The following ABLIM2 variants were observed in gnomAD, a reference collection of about 807,000 sequenced individuals.
The protein encoded by ABLIM2 is actin binding LIM protein family member 2, also known as actin-binding LIM protein 2.
A neutral mutation model predicts 97.7 loss-of-function variants in ABLIM2; 53 were observed. The ratio of observed to expected loss-of-function variants is 0.54; its 90% confidence interval spans 0.44 to 0.68. ABLIM2 has a LOEUF of 0.68. Ranked by LOEUF, ABLIM2 falls within the 30% of genes least tolerant of loss-of-function variation. The probability of loss-of-function intolerance (pLI) is 0.00; values close to 1 mark genes in which losing one functional copy is unlikely to be tolerated. For missense variants in ABLIM2, 835 were observed against 867.2 expected (o/e 0.96, Z 0.47); for synonymous variants, 361 against 345.8 (o/e 1.04, Z -0.49).
At chr4:8,040,358 C>G (rs1166796378) in intron 9 of ABLIM2, among the ~76,000 whole-genome samples, 1 of 152,176 alleles carries the variant, frequency 6.6e-6, no homozygotes, top group Non-Finnish European at 1.5e-5. Context: ...CACCTGTACC[C>G]CCAGCACTTT....
chr4:8,076,423 G>A (rs970521248), intron 6 of ABLIM2, among the ~76,000 whole-genome samples: 2 of 152,244 alleles, frequency 1.3e-5, no homozygotes, highest in East Asian at 3.9e-4. Context: ...CTCCAGACTG[G>A]CCTCTGCGGC....
chr4:8,066,262 C>T (rs1157508752), intron 6 of ABLIM2, among the ~76,000 whole-genome samples: 4 of 146,054 alleles, frequency 2.7e-5, no homozygotes, highest in South Asian at 2.2e-4. Flanking sequence ...GCCGAGATAG[C>T]GCCAGTGCAC....
At chr4:8,106,671 G>A (rs41266523) in intron 1 of ABLIM2, 34 bp from the exon 2 acceptor site, 1,062 of 1,572,656 alleles carry the variant, frequency 6.8e-4, no homozygotes, top group Non-Finnish European at 8.4e-4. Context: ...GCGTTCAAGG[G>A]TGGATGTGTG....
intron 6 of ABLIM2, among the ~76,000 whole-genome samples, chr4:8,063,343 G>C (rs1028156968): frequency 6.6e-6 from 1 of 152,248 alleles, no homozygotes; most frequent in Non-Finnish European, 1.5e-5. Flanking sequence ...GAGATTATAG[G>C]CGTGAGCCAC....
chr4:8,065,301 T>C (rs1474843809), intron 6 of ABLIM2, among the ~76,000 whole-genome samples: 2 of 152,196 alleles, frequency 1.3e-5, no homozygotes, highest in African/African-American at 4.8e-5. Flanking sequence ...TAGACACTTC[T>C]TCAATGAAAA....
intron 12 of ABLIM2, among the ~76,000 whole-genome samples, chr4:8,026,126 C>T (rs1458819878): frequency 6.6e-6 from 1 of 152,232 alleles, no homozygotes; most frequent in Non-Finnish European, 1.5e-5. Context: ...CCTGCCTCAG[C>T]CTTCCGAGGA....
intron 3 of ABLIM2, among the ~76,000 whole-genome samples, chr4:8,093,341 C>T (rs182581111): frequency 2.6e-5 from 4 of 152,302 alleles, no homozygotes; most frequent in East Asian, 3.9e-4. Context: ...TCTCATTTTG[C>T]GTTTCCTTCA....
At chr4:8,131,718 G>C (rs878942607) in intron 1 of ABLIM2, among the ~76,000 whole-genome samples, 14 of 48,394 alleles carry the variant, frequency 2.9e-4, no homozygotes, top group African/African-American at 7.4e-4. Flanking sequence ...CCGCATCCCT[G>C]AGCACAGCAG....
At chr4:7,988,911 G>C (rs150182713) in intron 17 of ABLIM2, among the ~76,000 whole-genome samples, 96 of 152,202 alleles carry the variant, frequency 6.3e-4, no homozygotes, top group Non-Finnish European at 1.2e-3. Flanking sequence ...GTTAATGCTT[G>C]TCTTGTAGTC....
At chr4:8,028,601 A>G (rs960817008) in intron 11 of ABLIM2, among the ~76,000 whole-genome samples, 2 of 152,018 alleles carry the variant, frequency 1.3e-5, no homozygotes, top group African/African-American at 4.8e-5. Context: ...TCATTCACTC[A>G]CTCACTCATT....
rs997582616 is a variant in ABLIM2, at chr4:8,127,460, C to T, written c.11-20823G>A. 24 of 1,267,672 alleles carry T rather than the reference C, an allele frequency of 1.9e-5. No individual in the cohort carries two copies. Among genetic ancestry groups the T allele is most frequent in the African/African-American group, 9.2e-5 (6 of 65,352 alleles). 78.5% of individuals were successfully genotyped at this position (1,267,672 alleles called of 1,614,324 possible). A position where few individuals can be genotyped will look rare whatever the true frequency, so the allele number is the denominator to read the frequency against. Reference sequence around the variant, plus strand: ...ACCCCTGAAGCTGATTCATGGAGCTCACAGCTCCCAGTCCCCTGAAGCTGA... The same window carrying T: ...ACCCCTGAAGCTGATTCATGGAGCTTACAGCTCCCAGTCCCCTGAAGCTGA... On this transcript the variant is annotated intron_variant, in intron 1 of 20. Transcript: ENST00000447017. This position sits in a 1 kb window ranked among gnomAD's most constrained non-coding sequence, Gnocchi z 7.3.
intron 1 of ABLIM2, among the ~76,000 whole-genome samples, chr4:8,142,660 G>A (rs1851169582): frequency 4.6e-5 from 7 of 152,158 alleles, no homozygotes; most frequent in Admixed American, 4.6e-4. Flanking sequence ...ATGTGTGCTC[G>A]CAGCCACGAG....
intron 10 of ABLIM2, among the ~76,000 whole-genome samples, chr4:8,031,818 G>T (rs113207889): frequency 6.6e-6 from 1 of 151,438 alleles, no homozygotes; most frequent in Non-Finnish European, 1.5e-5. Flanking sequence ...TCCGTCTTCC[G>T]GGTTCAAGCG....
chr4:8,042,826 C>T (rs866571100), intron 9 of ABLIM2, among the ~76,000 whole-genome samples: 120 of 123,250 alleles, frequency 9.7e-4, no homozygotes, highest in African/African-American at 3.3e-3. Flanking sequence ...GCAACAAGAG[C>T]GAAACTCCAA....
At chr4:8,131,706 G>T (rs1351165478) in intron 1 of ABLIM2, among the ~76,000 whole-genome samples, 62 of 42,460 alleles carry the variant, frequency 1.5e-3, no homozygotes, top group East Asian at 3.3e-3. Flanking sequence ...CAGCACAGCA[G>T]CCCGCATCCC....
At position 8,072,805 on chromosome 4, in the gene ABLIM2, C is replaced by T. The variant is rs546360526; in HGVS notation, c.675+4823G>A. Among the ~76,000 whole-genome samples the T allele has an allele frequency of 1.2e-4, 19 of 152,196 alleles. No individual in the cohort carries two copies. The highest frequency in any genetic ancestry group is 4.1e-4 in the African/African-American group (17 of 41,538). Reference sequence around the variant, plus strand: ...CCTGGCTGAGCATCAGAGCCACCAGCGCATAAGAGGAGCAGGGTCAGGGAC... The same window carrying T: ...CCTGGCTGAGCATCAGAGCCACCAGTGCATAAGAGGAGCAGGGTCAGGGAC... On this transcript the variant is annotated intron_variant, in intron 6 of 20. Coordinates refer to ENST00000447017, the MANE Select transcript of ABLIM2 (RefSeq NM_001130083.2). This position sits in a 1 kb window ranked among gnomAD's most constrained non-coding sequence, Gnocchi z 5.8.
At chr4:8,088,991 C>T (rs1267398211) in intron 3 of ABLIM2, among the ~76,000 whole-genome samples, 6 of 152,192 alleles carry the variant, frequency 3.9e-5, no homozygotes, top group African/African-American at 7.2e-5. Context: ...GCTGGACAAT[C>T]GGATCCTGTC....
At chr4:8,013,219 C>CTTTTTTTTTTT (rs60424207) in intron 14 of ABLIM2, among the ~76,000 whole-genome samples, 1 of 110,596 alleles carries the variant, frequency 9.0e-6, no homozygotes, top group Admixed American at 1.0e-4. Context: ...AACATTTTTC[C>CTTTTTTTTTTT]TTTTTTTTTT....
chr4:8,077,940 A>C (rs1817315825), intron 5 of ABLIM2, among the ~76,000 whole-genome samples: 2 of 152,348 alleles, frequency 1.3e-5, no homozygotes, highest in Admixed American at 1.3e-4. Context: ...CAGACGGAGA[A>C]ACTGAGGAGC....
Sources: allele counts gnomAD v4.1 joint callset (sites outside exome capture counted in the v4.1 genomes callset), GRCh38; gene constraint gnomAD v4.1.1; non-coding constraint Gnocchi (gnomAD v3.1); transcripts MANE v1.5; gene names NCBI Gene and HGNC (gene_info 2026-07-23, HGNC 2026-07-21).